The following TAB2 variants were observed in gnomAD, a reference collection of about 807,000 sequenced individuals.
TAB2 encodes TGF-beta-activated kinase 1 and MAP3K7-binding protein 2.
TAB2 carries 3 observed loss-of-function variants against 65.0 expected under a neutral mutation model. That is an observed-to-expected ratio of 0.05 (90% CI 0.02 to 0.12). The LOEUF (loss-of-function observed/expected upper bound fraction) is 0.12. TAB2 is among the 10% of genes least tolerant of loss of function. The probability of loss-of-function intolerance (pLI) is 1.00; values close to 1 mark genes in which losing one functional copy is unlikely to be tolerated. For missense variants in TAB2, 623 were observed against 840.3 expected, an observed-to-expected ratio of 0.74 and a Z score of 3.20; for synonymous variants, 298 against 285.1, an observed-to-expected ratio of 1.05 and a Z score of -0.46.
chr6:149,305,495 ACTTCCT>A (rs1779048693), intron 1 of TAB2, among the ~76,000 whole-genome samples: 2 of 152,068 alleles, frequency 1.3e-5, no homozygotes, highest in African/African-American at 2.4e-5. Flanking sequence ...CCTCCTAATT[ACTTCCT>A]TATCTCAAAT....
intron 1 of TAB2, among the ~76,000 whole-genome samples, chr6:149,365,224 GAAAT>G (rs1346186751): frequency 6.6e-6 from 1 of 152,212 alleles, no homozygotes. Flanking sequence ...TTTATTATGA[GAAAT>G]AATTTTACAG....
intron 1 of TAB2, among the ~76,000 whole-genome samples, chr6:149,340,643 T>C (rs1391226820): frequency 6.6e-6 from 1 of 152,176 alleles, no homozygotes; most frequent in Admixed American, 6.5e-5. Flanking sequence ...GGTTTTTTTA[T>C]TTGATGGTCT....
At chr6:149,308,677 T>C (rs1355104392) in intron 1 of TAB2, among the ~76,000 whole-genome samples, 2 of 152,006 alleles carry the variant, frequency 1.3e-5, no homozygotes, top group African/African-American at 4.8e-5. Flanking sequence ...TACAGGCATG[T>C]GCCACCACGC....
At chr6:149,359,183 G>A (rs184917107) in intron 1 of TAB2, among the ~76,000 whole-genome samples, 2 of 152,022 alleles carry the variant, frequency 1.3e-5, no homozygotes, top group Admixed American at 6.5e-5. Flanking sequence ...TTTAACATGA[G>A]CTCATTTTCA....
intron 1 of TAB2, among the ~76,000 whole-genome samples, chr6:149,222,676 T>C (rs1024913475): frequency 6.6e-6 from 1 of 152,038 alleles, no homozygotes; most frequent in Non-Finnish European, 1.5e-5. Flanking sequence ...TTGGTTCTGT[T>C]TCTCTGGAGA....
chr6:149,258,165 C>T (rs954801043), intron 1 of TAB2, among the ~76,000 whole-genome samples: 3 of 152,096 alleles, frequency 2.0e-5, no homozygotes, highest in Non-Finnish European at 2.9e-5. Context: ...GGCCACACAG[C>T]GGTGTTGTGC....
chr6:149,272,092 C>T (rs998611823), intron 1 of TAB2, among the ~76,000 whole-genome samples: 1 of 152,110 alleles, frequency 6.6e-6, no homozygotes, highest in Non-Finnish European at 1.5e-5. Context: ...GAGGTCATTC[C>T]TTCCCCACCC....
intron 1 of TAB2, among the ~76,000 whole-genome samples, chr6:149,289,353 C>A (rs1778733271): frequency 6.6e-6 from 1 of 151,598 alleles, no homozygotes; most frequent in East Asian, 1.9e-4. Flanking sequence ...ATGTTCATGC[C>A]ACTGCACTCT....
intron 1 of TAB2, among the ~76,000 whole-genome samples, chr6:149,336,644 G>T (rs1364763043): frequency 1.3e-5 from 2 of 152,234 alleles, no homozygotes; most frequent in East Asian, 1.9e-4. Context: ...AGGATAAAAA[G>T]AATTCAAGTA....
At chr6:149,336,720 A>G (rs1779945522) in intron 1 of TAB2, among the ~76,000 whole-genome samples, 1 of 152,202 alleles carries the variant, frequency 6.6e-6, no homozygotes, top group African/African-American at 2.4e-5. Context: ...AGGTGAAGAC[A>G]TAACATTCTA....
intron 1 of TAB2, among the ~76,000 whole-genome samples, chr6:149,221,969 G>T (rs1583029384): frequency 6.6e-6 from 1 of 152,142 alleles, no homozygotes; most frequent in African/African-American, 2.4e-5. Context: ...GGATATTTCT[G>T]GAAGAGACTA....
chr6:149,240,104 G>T (rs1241656915), intron 1 of TAB2, among the ~76,000 whole-genome samples: 2 of 152,180 alleles, frequency 1.3e-5, no homozygotes, highest in Admixed American at 1.3e-4. Flanking sequence ...GCGCCAAACT[G>T]CCCCGTTGTG....
At chr6:149,265,085 A>AGATGTTGAT (rs1294687851) in intron 1 of TAB2, among the ~76,000 whole-genome samples, 1 of 147,366 alleles carries the variant, frequency 6.8e-6, no homozygotes, top group Non-Finnish European at 1.5e-5. Context: ...AGACAAATTT[A>AGATGTTGAT]GTCTATGAAA....
intron 1 of TAB2, chr6:149,303,965 G>A (rs574013512): frequency 6.6e-6 from 1 of 152,446 alleles, no homozygotes; most frequent in East Asian, 1.9e-4. Flanking sequence ...GGAGGACTGA[G>A]AAGAGGGAGT....
chr6:149,275,224 G>C lies in TAB2; in HGVS notation c.-121+56448G>C, dbSNP rs547355860. 2.5e-5 allele frequency among the ~76,000 whole-genome samples: 3 copies of C among 118,430 alleles called. 1 individual carries two copies. The highest frequency in any genetic ancestry group is 1.1e-4 in the African/African-American group (3 of 26,724). The allele number at this position is 118,430 out of a possible 152,430, so 77.7% of individuals were successfully genotyped here. A position where few individuals can be genotyped will look rare whatever the true frequency, so the allele number is the denominator to read the frequency against. The stretch of plus-strand genomic sequence containing the variant: ...TTGAACTCCCTTGGGCGGGGGAGGG[G>C]GGAGAGAGAGAGAAAGAAAGAAAGA... On this transcript the variant is annotated intron_variant, in intron 1 of 1. Coordinates refer to the TAB2 transcript ENST00000606202.
intron 1 of TAB2, among the ~76,000 whole-genome samples, chr6:149,284,945 G>A (rs1244731282): frequency 1.3e-5 from 2 of 152,180 alleles, no homozygotes; most frequent in Non-Finnish European, 2.9e-5. Flanking sequence ...AGAGCCAGCA[G>A]CCTCGAGGAT....
chr6:149,280,194 T>G (rs1271572095), intron 1 of TAB2, among the ~76,000 whole-genome samples: 3 of 152,248 alleles, frequency 2.0e-5, no homozygotes, highest in African/African-American at 7.2e-5. Context: ...TTAGGCATGT[T>G]GCTTATACTC....
rs979473596 is a variant in TAB2 at position 149,340,361 on chromosome 6, G to A, written c.-90+22346G>A. On this transcript the variant is annotated intron_variant, in intron 1 of 6. Transcript: ENST00000637181. ...TTTCAGAAAGAAAATTATTAGTAAC[G>A]TCAAGCTAGTACAATAAAGAAGGAA... 3.3e-5 allele frequency among the ~76,000 whole-genome samples: 5 copies of A among 152,160 alleles called. No homozygotes were observed. In the East Asian group the frequency reaches 5.8e-4, roughly 18 times the overall value.
intron 1 of TAB2, among the ~76,000 whole-genome samples, chr6:149,357,430 AACACACAC>A (rs1554261742): frequency 6.3e-5 from 7 of 111,144 alleles, no homozygotes; most frequent in African/African-American, 1.4e-4. Context: ...AGAAAAAAAA[AACACACAC>A]ACACACACAC....
Sources: allele counts gnomAD v4.1 joint callset (sites outside exome capture counted in the v4.1 genomes callset), GRCh38; gene constraint gnomAD v4.1.1; transcripts MANE v1.5; gene names NCBI Gene and HGNC (gene_info 2026-07-23, HGNC 2026-07-21).